Variants in PHKB observed in about 807,000 individuals in gnomAD.
PHKB encodes the protein phosphorylase b kinase regulatory subunit beta.
In PHKB, 122 loss-of-function variants were observed where a neutral mutation model predicts 152.1. The observed-to-expected ratio is 0.80, with a 90% CI of 0.69 to 0.93. The LOEUF is 0.93. PHKB is among the 40% of genes least tolerant of loss of function. The probability of loss-of-function intolerance (pLI) is 0.00; values close to 1 mark genes in which losing one functional copy is unlikely to be tolerated. For synonymous variants in PHKB, 436 were observed against 464.9 expected (o/e 0.94, Z 0.80); for missense variants, 1,304 against 1,328.4 (o/e 0.98, Z 0.29).
At chr16:47,471,414 T>C (rs538294569) in intron 1 of PHKB, among the ~76,000 whole-genome samples, 1 of 152,272 alleles carries the variant, frequency 6.6e-6, no homozygotes, top group East Asian at 1.9e-4. Flanking sequence ...GATTAGTATT[T>C]TATGATGATT....
chr16:47,498,121 A>G (rs959813178), intron 2 of PHKB, among the ~76,000 whole-genome samples: 1 of 152,214 alleles, frequency 6.6e-6, no homozygotes, highest in Non-Finnish European at 1.5e-5. Flanking sequence ...GGCAGAAAAC[A>G]TAAAATTTGA....
chr16:47,573,417 C>T (rs1971695884), intron 7 of PHKB, among the ~76,000 whole-genome samples: 1 of 152,132 alleles, frequency 6.6e-6, no homozygotes, highest in Non-Finnish European at 1.5e-5. Context: ...AGTTCCCTGG[C>T]CACTGGGGTA....
intron 26 of PHKB, among the ~76,000 whole-genome samples, chr16:47,682,342 A>G (rs529325051): frequency 4.6e-5 from 7 of 152,272 alleles, no homozygotes; most frequent in Non-Finnish European, 8.8e-5. Context: ...GTCCTGGATC[A>G]TATCCCTCAG....
chr16:47,474,361 C>T (rs1051209008), intron 1 of PHKB, among the ~76,000 whole-genome samples: 1 of 152,146 alleles, frequency 6.6e-6, no homozygotes, highest in African/African-American at 2.4e-5. Context: ...GATTATAGAT[C>T]AAGTCTTATT....
In PHKB at chr16:47,503,041, T is replaced by C. The variant is rs1243176483; in HGVS notation, c.356T>C (p.Ile119Thr). ...GRTHELEHSA[I>T]KCMRGILYCY... ...ACCCATGAGCTGGAGCACTCAGCTATAAAATGCATGAGAGGAATTCTCTAC... is the reference window on the plus strand; with the variant it reads ...ACCCATGAGCTGGAGCACTCAGCTACAAAATGCATGAGAGGAATTCTCTAC... Residue 119 changes from isoleucine to threonine, a missense_variant, in exon 4 of 31, where the codon ATA becomes ACA. Ile to Thr is a moderately conservative substitution (Grantham distance 89). Transcript: ENST00000323584. 11 of 1,613,740 alleles carry C rather than the reference T, an allele frequency of 6.8e-6. No homozygotes were observed. The highest frequency in any genetic ancestry group is 9.3e-6 in the Non-Finnish European group (11 of 1,179,706).
At chr16:47,648,402 C>G (rs1567340748) in intron 16 of PHKB, 131 bp from the exon 17 acceptor site, 1 of 733,634 alleles carries the variant, frequency 1.4e-6, no homozygotes, top group Admixed American at 1.8e-5. Flanking sequence ...TGTCTTCCTA[C>G]AAGTTTTTGG....
chr16:47,510,992 G>A (rs920974200), intron 4 of PHKB, among the ~76,000 whole-genome samples: 6 of 152,140 alleles, frequency 3.9e-5, no homozygotes, highest in South Asian at 2.1e-4. Flanking sequence ...TGAACAGGCC[G>A]TAAAGAAATG....
At chr16:47,472,211 A>G (rs1488216505) in intron 1 of PHKB, among the ~76,000 whole-genome samples, 1 of 152,200 alleles carries the variant, frequency 6.6e-6, no homozygotes, top group Non-Finnish European at 1.5e-5. Flanking sequence ...AAGCTACACA[A>G]GGTCCTTGAT....
intron 1 of PHKB, among the ~76,000 whole-genome samples, chr16:47,466,307 T>C (rs1969668193): frequency 6.6e-6 from 1 of 152,204 alleles, no homozygotes; most frequent in Non-Finnish European, 1.5e-5. Context: ...AAATAATTAT[T>C]AGAGAAGGAA....
At chr16:47,474,441 A>T (rs1969833709) in intron 1 of PHKB, among the ~76,000 whole-genome samples, 1 of 152,218 alleles carries the variant, frequency 6.6e-6, no homozygotes, top group Non-Finnish European at 1.5e-5. Flanking sequence ...AGCTGTGGAT[A>T]GTTCCTCTTC....
chr16:47,500,813 A>G (rs193302266), intron 3 of PHKB, among the ~76,000 whole-genome samples: 11 of 152,354 alleles, frequency 7.2e-5, no homozygotes, highest in East Asian at 5.8e-4. Context: ...CATTTTAACC[A>G]TAATTAAGAT....
intron 1 of PHKB, among the ~76,000 whole-genome samples, chr16:47,492,954 A>G (rs1970175216): frequency 6.6e-6 from 1 of 152,232 alleles, no homozygotes; most frequent in Admixed American, 6.5e-5. Flanking sequence ...AGGGCAAGAA[A>G]AATTTATCGG....
chr16:47,528,774 G>A (rs1375011826), intron 6 of PHKB, among the ~76,000 whole-genome samples: 2 of 146,616 alleles, frequency 1.4e-5, no homozygotes, highest in Non-Finnish European at 3.0e-5. Flanking sequence ...TCAGTTCACT[G>A]CAACCTCTGC....
In PHKB at chr16:47,568,745, T is replaced by A. The variant is rs148154386; in HGVS notation, c.711-11550T>A. Among the ~76,000 whole-genome samples the A allele has an allele frequency of 2.1e-3, 320 of 152,268 alleles. 2 individuals are homozygous for A. The highest frequency in any genetic ancestry group is 7.5e-3 in the African/African-American group (313 of 41,566). The stretch of plus-strand genomic sequence containing the variant: ...GTCACTGTTATTATTCATTTCAAAA[T>A]TTTTTAAAATTTCATCTTGATTATA... On this transcript the variant is annotated intron_variant, in intron 7 of 30. Coordinates refer to ENST00000323584, the MANE Select transcript of PHKB (RefSeq NM_000293.3).
chr16:47,512,168 G>T (rs1167531430), intron 5 of PHKB, among the ~76,000 whole-genome samples: 2 of 152,290 alleles, frequency 1.3e-5, no homozygotes, highest in Non-Finnish European at 2.9e-5. Context: ...TGTCATAGAA[G>T]ATTTGAGGCT....
At chr16:47,530,411 C>T (rs1970842270) in intron 6 of PHKB, among the ~76,000 whole-genome samples, 1 of 152,130 alleles carries the variant, frequency 6.6e-6, no homozygotes, top group South Asian at 2.1e-4. Flanking sequence ...CTCAGCCTCC[C>T]AAAGTGCTGG....
At chr16:47,679,404 A>G (rs112220862) in intron 26 of PHKB, among the ~76,000 whole-genome samples, 10,662 of 152,240 alleles carry the variant, frequency 0.07, 620 homozygotes, top group African/African-American at 0.16. Flanking sequence ...ACTCATGAGC[A>G]TGGAATGTTC....
chr16:47,648,470 T>C, intron 16 of PHKB, 63 bp from the exon 17 acceptor site: 2 of 1,107,630 alleles, frequency 1.8e-6, no homozygotes, highest in East Asian at 4.8e-5. Flanking sequence ...AGGACAATAC[T>C]CAGGGGTGAG....
chr16:47,680,071 T>G (rs932716179), intron 26 of PHKB, among the ~76,000 whole-genome samples: 1 of 152,250 alleles, frequency 6.6e-6, no homozygotes, highest in Non-Finnish European at 1.5e-5. Context: ...TGGATTACAT[T>G]TATTGATTTT....
Sources: allele counts gnomAD v4.1 joint callset (sites outside exome capture counted in the v4.1 genomes callset), GRCh38; gene constraint gnomAD v4.1.1; transcripts MANE v1.5; gene names NCBI Gene and HGNC (gene_info 2026-07-23, HGNC 2026-07-21).